Variants in ITPK1 observed in about 807,000 individuals in gnomAD.
ITPK1 encodes the protein inositol-tetrakisphosphate 1-kinase, also known as inositol 1,3,4-trisphosphate 5/6-kinase.
ITPK1 carries 21 observed loss-of-function variants against 45.3 expected under a neutral mutation model. The ratio of observed to expected loss-of-function variants is 0.46; its 90% CI spans 0.33 to 0.67. The LOEUF is 0.67. ITPK1 is among the 30% of genes least tolerant of loss of function. The pLI, the probability that ITPK1 is intolerant of heterozygous loss-of-function variation, is 0.02. For synonymous variants in ITPK1, 258 were observed against 253.6 expected (o/e 1.02, Z -0.16); for missense variants, 474 against 573.5 (o/e 0.83, Z 1.77).
In ITPK1 at chr14:93,093,245, C is replaced by T. The variant is rs1395595866; in HGVS notation, c.96-16626G>A. 2.0e-5 allele frequency among the ~76,000 whole-genome samples: 3 copies of T among 152,226 alleles called. No homozygotes were observed. The East Asian group carries it at 5.8e-4, about 29-fold the overall frequency. Reference sequence around the variant, plus strand: ...CAGAAAGGACAAAGGACAGGGTCCACAGGGTTCTAGGGCCTCCAAGGGCAG... The same window carrying T: ...CAGAAAGGACAAAGGACAGGGTCCATAGGGTTCTAGGGCCTCCAAGGGCAG... On this transcript the variant is annotated intron_variant, in intron 2 of 10. Coordinates refer to ENST00000267615, the MANE Select transcript of ITPK1 (RefSeq NM_014216.6).
At chr14:93,107,814 C>A (rs1301207659) in intron 2 of ITPK1, among the ~76,000 whole-genome samples, 1 of 152,184 alleles carries the variant, frequency 6.6e-6, no homozygotes, top group African/African-American at 2.4e-5. Flanking sequence ...CCTACAGAAA[C>A]CAGCCCATGA....
At chr14:93,054,604 T>C (rs756775413) in intron 3 of ITPK1, among the ~76,000 whole-genome samples, 23 of 152,244 alleles carry the variant, frequency 1.5e-4, no homozygotes, top group Non-Finnish European at 2.9e-4. Flanking sequence ...TCCAGTCCAG[T>C]GAAGAGCAAG....
At chr14:93,028,013 C>T (rs116841972) in intron 3 of ITPK1, among the ~76,000 whole-genome samples, 4,057 of 152,360 alleles carry the variant, frequency 0.027, 98 homozygotes, top group Admixed American at 0.084. Flanking sequence ...GGGAAACCGG[C>T]ACTGTGGGTC....
At chr14:92,967,024 T>C (rs1018460636) in intron 5 of ITPK1, among the ~76,000 whole-genome samples, 6 of 152,220 alleles carry the variant, frequency 3.9e-5, no homozygotes, top group African/African-American at 1.2e-4. Flanking sequence ...TTCATGACCG[T>C]GCATTAGGCA....
At chr14:93,072,764 C>A (rs1322798098) in intron 3 of ITPK1, among the ~76,000 whole-genome samples, 1 of 152,150 alleles carries the variant, frequency 6.6e-6, no homozygotes, top group Admixed American at 6.5e-5. Flanking sequence ...CCACACCCAA[C>A]TAATTTTTTG....
chr14:92,987,551 G>A (rs958847395), intron 5 of ITPK1, among the ~76,000 whole-genome samples: 3 of 152,322 alleles, frequency 2.0e-5, no homozygotes, highest in Non-Finnish European at 4.4e-5. Context: ...GCCAAGGGCA[G>A]GGAGATGGGA....
intron 8 of ITPK1, among the ~76,000 whole-genome samples, chr14:92,952,768 G>A (rs1888018104): frequency 6.6e-6 from 1 of 152,268 alleles, no homozygotes; most frequent in Admixed American, 6.5e-5. Flanking sequence ...AGATCCCACA[G>A]GAGAAATGTC....
intron 2 of ITPK1, among the ~76,000 whole-genome samples, chr14:93,109,727 T>C (rs964920463): frequency 6.6e-6 from 1 of 152,204 alleles, no homozygotes; most frequent in Non-Finnish European, 1.5e-5. Context: ...GCTGTGATGC[T>C]GAAAGGCCAC....
At chr14:93,112,897 T>C (rs565357441) in intron 2 of ITPK1, among the ~76,000 whole-genome samples, 7 of 152,356 alleles carry the variant, frequency 4.6e-5, no homozygotes, top group Admixed American at 2.6e-4. Context: ...TAAAGTCTCA[T>C]TGGCCCTCAC....
rs1264030495 is a variant in ITPK1, at chr14:93,032,934, A to T, written c.121-16133T>A. ...TAGGGGGTGAGCCCTTTAGCAAAGG[A>T]GCTGGTGGGCTTCATCTCCCTGGGC... On this transcript the variant is annotated intron_variant, in intron 3 of 10. Transcript: ENST00000267615. The surrounding 1 kb of genome is among the most constrained non-coding windows in gnomAD (Gnocchi z 4.0). Among the ~76,000 whole-genome samples, 1 of 152,196 alleles carries T rather than the reference A, an allele frequency of 6.6e-6. No individual in the cohort carries two copies. Among genetic ancestry groups the T allele is most frequent in the East Asian group, 1.9e-4 (1 of 5,202 alleles).
At chr14:93,095,789 T>C (rs1347058207) in intron 2 of ITPK1, among the ~76,000 whole-genome samples, 1 of 151,698 alleles carries the variant, frequency 6.6e-6, no homozygotes, top group Non-Finnish European at 1.5e-5. Flanking sequence ...ACTCTTCCCA[T>C]CTTTGTGTCC....
At chr14:92,994,176 G>A (rs1886933794) in intron 4 of ITPK1, among the ~76,000 whole-genome samples, 179 bp from the exon 5 acceptor site, 1 of 152,242 alleles carries the variant, frequency 6.6e-6, no homozygotes, top group East Asian at 1.9e-4. Flanking sequence ...CTGAGAGAGA[G>A]GCTTGACTAG....
chr14:93,071,585 CTG>C (rs1891006447), intron 3 of ITPK1: 1 of 152,196 alleles, frequency 6.6e-6, no homozygotes, highest in African/African-American at 2.4e-5. Context: ...AAAAATAAAA[CTG>C]TTAATGTTTC....
intron 2 of ITPK1, among the ~76,000 whole-genome samples, chr14:93,083,429 G>A (rs538343698): frequency 6.6e-6 from 1 of 152,336 alleles, no homozygotes; most frequent in Admixed American, 6.5e-5. Flanking sequence ...GCTGCAGCAA[G>A]TGAAGTACAT....
At position 92,937,341 on chromosome 14, in the gene ITPK1, G is replaced by GT. The variant is rs1389383780; in HGVS notation, c.*4219dup. On this transcript the variant is annotated 3_prime_UTR_variant, in exon 11 of 11. Coordinates refer to ENST00000267615, the MANE Select transcript of ITPK1 (RefSeq NM_014216.6). The stretch of plus-strand genomic sequence containing the variant: ...ACAGCAACATCCTGGTGAAATCCCT[G>GT]TGAGTGGCTTTTCAGAGTGAGCTTC... The GT allele has an allele frequency of 1.3e-5, 2 of 152,260 alleles. No individual in the cohort carries two copies. Among genetic ancestry groups the GT allele is most frequent in the African/African-American group, 4.8e-5 (2 of 41,460 alleles). The allele number at this position is 152,260 out of a possible 1,614,324, so 9.4% of individuals were successfully genotyped here.
In ITPK1 at chr14:93,035,969, C is replaced by T. The variant is rs927199414; in HGVS notation, c.121-19168G>A. ...GTGGTGCCAAGTGGCTGCCTCTTCC[C>T]AGCCTGACTCCGGCACGTGATGACT... On this transcript the variant is annotated intron_variant, in intron 3 of 10. Coordinates refer to ENST00000267615, the MANE Select transcript of ITPK1 (RefSeq NM_014216.6). Among the ~76,000 whole-genome samples the T allele has an allele frequency of 3.3e-5, 5 of 152,214 alleles. No homozygotes were observed. In the East Asian group the frequency reaches 7.7e-4, roughly 23 times the overall value.
intron 10 of ITPK1, among the ~76,000 whole-genome samples, 171 bp downstream of exon 10, chr14:92,946,160 G>A (rs548984741): frequency 2.6e-5 from 4 of 152,120 alleles, no homozygotes; most frequent in Admixed American, 6.5e-5. Flanking sequence ...CGCACACCCC[G>A]TAAGCCCATC....
chr14:93,007,671 A>G (rs1231738851), intron 4 of ITPK1, among the ~76,000 whole-genome samples: 2 of 152,072 alleles, frequency 1.3e-5, no homozygotes, highest in African/African-American at 2.4e-5. Context: ...GGTGCACAAT[A>G]AGAGAGACAG....
In ITPK1 at chr14:92,946,450, ACCT is replaced by A. The variant is rs1216489616; in HGVS notation, c.779_781del (p.Glu260del). ...CAGGGCCCGGGAGAGCTCCCGGATG[ACCT>A]CGTCGCTCGGCCGCTCGAACACGCC... is the stretch of plus-strand genomic sequence containing the variant. On this transcript the variant is annotated inframe_deletion, in exon 10 of 11. Transcript: ENST00000267615. 6.2e-7 allele frequency: 1 copy of A among 1,612,986 alleles called. No individual in the cohort carries two copies. The highest frequency in any genetic ancestry group is 2.2e-5 in the East Asian group (1 of 44,878).
Sources: allele counts gnomAD v4.1 joint callset (sites outside exome capture counted in the v4.1 genomes callset), GRCh38; gene constraint gnomAD v4.1.1; non-coding constraint Gnocchi (gnomAD v3.1); transcripts MANE v1.5; gene names NCBI Gene and HGNC (gene_info 2026-07-23, HGNC 2026-07-21).